Variants in DLGAP2 observed in about 807,000 individuals in gnomAD.
DLGAP2 encodes the protein DLG associated protein 2.
Under a neutral mutation model 100.3 loss-of-function variants are expected in DLGAP2, and 26 were observed. The observed-to-expected ratio is 0.26, with a 90% CI of 0.19 to 0.36. The LOEUF is 0.36. Among genes scored for constraint, DLGAP2 ranks in the 10% least tolerant of loss-of-function variants. The pLI is 1.00. For missense variants in DLGAP2, 1,858 were observed against 1,453.2 expected (o/e 1.28, Z -4.53); for synonymous variants, 886 against 630.1 (o/e 1.41, Z -6.08).
chr8:1,271,479 C>G (rs1186066568), intron 3 of DLGAP2, among the ~76,000 whole-genome samples: 1 of 152,096 alleles, frequency 6.6e-6, no homozygotes, highest in Non-Finnish European at 1.5e-5. Context: ...TGCCCCAAGC[C>G]CATTTATCAG....
intron 6 of DLGAP2, among the ~76,000 whole-genome samples, chr8:1,597,875 G>C (rs1372940118): frequency 6.6e-6 from 1 of 152,108 alleles, no homozygotes; most frequent in Admixed American, 6.5e-5. Context: ...TCTCTTGTCT[G>C]ATTGTCCTGA....
chr8:1,244,129 C>G (rs1798857430), intron 2 of DLGAP2, among the ~76,000 whole-genome samples: 1 of 152,298 alleles, frequency 6.6e-6, no homozygotes, highest in Admixed American at 6.5e-5. Flanking sequence ...GTCGGATGCT[C>G]CCAGGTGTGG....
chr8:1,607,392 T>A (rs1453613517), intron 6 of DLGAP2, among the ~76,000 whole-genome samples: 1 of 152,226 alleles, frequency 6.6e-6, no homozygotes, highest in Non-Finnish European at 1.5e-5. Flanking sequence ...GCTCATCACA[T>A]CTGTTCTGAC....
chr8:1,447,927 G>T (rs1208434314), intron 3 of DLGAP2, among the ~76,000 whole-genome samples: 1 of 152,156 alleles, frequency 6.6e-6, no homozygotes, highest in Admixed American at 6.5e-5. Flanking sequence ...GGGATCGGTG[G>T]TGATATCCCC....
At chr8:1,460,559 G>A (rs1410992873) in intron 3 of DLGAP2, among the ~76,000 whole-genome samples, 1 of 152,146 alleles carries the variant, frequency 6.6e-6, no homozygotes, top group Non-Finnish European at 1.5e-5. Context: ...ATGGTGACTC[G>A]ACGGTCTCTT....
intron 1 of DLGAP2, among the ~76,000 whole-genome samples, chr8:754,905 T>C (rs1014723716): frequency 2.0e-4 from 31 of 152,304 alleles, no homozygotes; most frequent in Admixed American, 3.3e-4. Context: ...GATACATATT[T>C]TTAGTCCATC....
chr8:1,592,280 G>A (rs77669087), intron 6 of DLGAP2, among the ~76,000 whole-genome samples: 1 of 152,288 alleles, frequency 6.6e-6, no homozygotes, highest in South Asian at 2.1e-4. Flanking sequence ...TTAGTCTAAG[G>A]TTGATTATGT....
At chr8:783,547 C>A (rs980505854) in intron 1 of DLGAP2, among the ~76,000 whole-genome samples, 1 of 152,188 alleles carries the variant, frequency 6.6e-6, no homozygotes, top group Non-Finnish European at 1.5e-5. Flanking sequence ...GCTCACCGTT[C>A]AGTGGCACAT....
intron 3 of DLGAP2, among the ~76,000 whole-genome samples, chr8:1,337,274 ATGG>A (rs1424640733): frequency 1.1e-4 from 15 of 138,130 alleles, no homozygotes; most frequent in Admixed American, 4.2e-4. Flanking sequence ...GATGAGGATG[ATGG>A]TGGTGGTGGC....
Position 1,458,040 on chromosome 8 carries a change from T to TTATATA in DLGAP2, c.107-43316_107-43311dup, listed in dbSNP as rs199917235. Among the ~76,000 whole-genome samples the TTATATA allele has an allele frequency of 2.3e-5, 3 of 132,610 alleles. No individual in the cohort carries two copies. The South Asian group carries it at 7.4e-4, about 33-fold the overall frequency. 87.0% of individuals were successfully genotyped at this position (132,610 alleles called of 152,430 possible). ...ATTTTTTATATGTGTGTATATATAATTATATATATATATATGTATATGTAT... is the reference window on the plus strand; with the variant it reads ...ATTTTTTATATGTGTGTATATATAATTATATATATATATATATATATGTATATGTAT... On this transcript the variant is annotated intron_variant, in intron 3 of 14. Transcript: ENST00000637795.
intron 2 of DLGAP2, among the ~76,000 whole-genome samples, chr8:1,053,482 T>C (rs2701905): frequency 0.43 from 65,660 of 151,690 alleles, 14,544 homozygotes; most frequent in African/African-American, 0.52. Flanking sequence ...TCCCAGTCAG[T>C]TCGCAGTCTC....
chr8:806,084 A>C (rs1796263208), intron 1 of DLGAP2, among the ~76,000 whole-genome samples: 2 of 152,218 alleles, frequency 1.3e-5, no homozygotes, highest in South Asian at 4.1e-4. Flanking sequence ...CACATGGAAA[A>C]TTGGGTGTCA....
intron 2 of DLGAP2, among the ~76,000 whole-genome samples, chr8:1,178,436 CT>C (rs1172202345): frequency 2.6e-5 from 4 of 152,172 alleles, no homozygotes; most frequent in Admixed American, 6.5e-5. Context: ...CCCACTCACT[CT>C]GTGTTTCTGT....
intron 4 of DLGAP2, among the ~76,000 whole-genome samples, chr8:1,540,360 T>C (rs1449143565): frequency 3.3e-5 from 5 of 152,254 alleles, no homozygotes; most frequent in Non-Finnish European, 5.9e-5. Context: ...TCACTCACTG[T>C]CTACCACGGT....
intron 8 of DLGAP2, among the ~76,000 whole-genome samples, chr8:1,640,303 G>A (rs34379966): frequency 0.29 from 39,786 of 136,974 alleles, 6,279 homozygotes; most frequent in African/African-American, 0.53. Context: ...CTGCCCCGTG[G>A]GTCCTCAGTG....
chr8:862,455 A>T (rs975765715), intron 1 of DLGAP2, among the ~76,000 whole-genome samples: 1 of 151,570 alleles, frequency 6.6e-6, no homozygotes, highest in African/African-American at 2.4e-5. Context: ...GGCACCCACC[A>T]CCTCGCCTGG....
intron 2 of DLGAP2, among the ~76,000 whole-genome samples, chr8:1,244,159 G>T (rs1341061767): frequency 1.3e-5 from 2 of 152,216 alleles, no homozygotes; most frequent in Admixed American, 6.5e-5. Flanking sequence ...CATGCCAGAG[G>T]CTCTTCGATG....
chr8:1,013,365 A>T (rs1563144003), intron 2 of DLGAP2, among the ~76,000 whole-genome samples: 1 of 152,128 alleles, frequency 6.6e-6, no homozygotes. Context: ...ACAAGAGGAG[A>T]GGGGAGAGCC....
chr8:810,954 T>G (rs1796358993), intron 1 of DLGAP2, among the ~76,000 whole-genome samples: 1 of 152,248 alleles, frequency 6.6e-6, no homozygotes, highest in Non-Finnish European at 1.5e-5. Flanking sequence ...TAATGCCTGT[T>G]GGAAAAGGAA....
Sources: gnomAD v4.1 joint callset for allele counts (sites outside exome capture counted in the v4.1 genomes callset) on GRCh38, gnomAD v4.1.1 for gene constraint, MANE v1.5 for transcripts, NCBI Gene and HGNC (gene_info 2026-07-23, HGNC 2026-07-21) for gene names.